Variants in ZFP3 observed in about 807,000 individuals in gnomAD.
The protein encoded by ZFP3 is ZFP3 zinc finger protein, also known as zinc finger protein 3 homolog.
Under a neutral mutation model 36.7 loss-of-function variants are expected in ZFP3, and 18 were observed. The ratio of observed to expected loss-of-function variants is 0.49; its 90% CI spans 0.34 to 0.73. The LOEUF is 0.73. Ranked by LOEUF, ZFP3 falls within the 30% of genes least tolerant of loss-of-function variation. ZFP3 has a pLI of 0.01. For missense variants in ZFP3, 495 were observed against 599.0 expected (o/e 0.83, Z 1.81); for synonymous variants, 218 against 199.0 (o/e 1.10, Z -0.81).
intron 1 of ZFP3, among the ~76,000 whole-genome samples, chr17:5,086,382 C>A (rs1311852763): frequency 6.6e-6 from 1 of 152,178 alleles, no homozygotes. Context: ...CAAATCTCCA[C>A]CTTTCCCCTT....
At chr17:5,090,371 T>C (rs2072143578) in intron 1 of ZFP3, among the ~76,000 whole-genome samples, 1 of 152,210 alleles carries the variant, frequency 6.6e-6, no homozygotes, top group Non-Finnish European at 1.5e-5. Flanking sequence ...GACTATGGCA[T>C]AGGTGGCATT....
intron 1 of ZFP3, among the ~76,000 whole-genome samples, chr17:5,084,497 G>A (rs549349221): frequency 1.4e-5 from 2 of 143,706 alleles, no homozygotes; most frequent in East Asian, 4.2e-4. Context: ...GGATGGTCTC[G>A]ATCTCCTGAC....
chr17:5,078,659 T>TAA lies in ZFP3; in HGVS notation c.-9+84_-9+85insAA, dbSNP rs2072077277. The stretch of plus-strand genomic sequence containing the variant: ...TAGAGAGCCGAGCGGAAACCCTACG[T>TAA]TTAGGCCCGTTCTGACCGGGGTTCG... On this transcript the variant is annotated intron_variant, in intron 1 of 1. Transcript: ENST00000318833. This position sits in a 1 kb window ranked among gnomAD's most constrained non-coding sequence, Gnocchi z 4.5. 1 of 152,246 alleles carries TAA rather than the reference T, an allele frequency of 6.6e-6. No individual in the cohort carries two copies. Among genetic ancestry groups the TAA allele is most frequent in the Admixed American group, 6.5e-5 (1 of 15,274 alleles). The allele number at this position is 152,246 out of a possible 1,614,324, so 9.4% of individuals were successfully genotyped here.
At chr17:5,090,697 G>T (rs1457505448) in intron 1 of ZFP3, among the ~76,000 whole-genome samples, 1 of 151,802 alleles carries the variant, frequency 6.6e-6, no homozygotes, top group African/African-American at 2.4e-5. Flanking sequence ...TTGAGACAGG[G>T]TCTGACTCTG....
intron 1 of ZFP3, among the ~76,000 whole-genome samples, chr17:5,086,724 CTTT>C (rs5819008): frequency 3.6e-5 from 4 of 110,654 alleles, no homozygotes; most frequent in African/African-American, 7.4e-5. Context: ...CATTTTCTTT[CTTT>C]TTTTTTTTTT....
intron 1 of ZFP3, among the ~76,000 whole-genome samples, chr17:5,085,765 T>G (rs1336981537): frequency 6.6e-6 from 1 of 152,198 alleles, no homozygotes; most frequent in Non-Finnish European, 1.5e-5. Context: ...AAAGTGATTT[T>G]CCATTTATCG....
At chr17:5,081,221 G>T (rs2072091704) in intron 1 of ZFP3, among the ~76,000 whole-genome samples, 1 of 151,758 alleles carries the variant, frequency 6.6e-6, no homozygotes, top group Admixed American at 6.6e-5. Context: ...AGCCTCCCGA[G>T]TAGCTGGGAC....
chr17:5,080,417 T>C (rs1178781434), intron 1 of ZFP3, among the ~76,000 whole-genome samples: 3 of 152,198 alleles, frequency 2.0e-5, no homozygotes, highest in Admixed American at 6.6e-5. Flanking sequence ...AGGTTAGATC[T>C]CTGGCAAGGA....
At chr17:5,083,545 C>CAAA (rs35689875) in intron 1 of ZFP3, among the ~76,000 whole-genome samples, 3 of 138,958 alleles carry the variant, frequency 2.2e-5, no homozygotes, top group Non-Finnish European at 1.5e-5. Context: ...AACTCTATCT[C>CAAA]AAAAAAAAAA....
rs1202924332 is a variant in ZFP3 at position 5,078,871 on chromosome 17, G to T, written c.-9+296G>T. ...CTTCTGTACCGAGGTGGGGACCCGT[G>T]GGAGCTGTGGTTTTCTCAGACATTC... On this transcript the variant is annotated intron_variant, in intron 1 of 1. Transcript: ENST00000318833. The surrounding 1 kb of genome is among the most constrained non-coding windows in gnomAD (Gnocchi z 4.5). 6.6e-6 allele frequency among the ~76,000 whole-genome samples: 1 copy of T among 152,154 alleles called. No homozygotes were observed. Among genetic ancestry groups the T allele is most frequent in the East Asian group, 1.9e-4 (1 of 5,190 alleles).
Position 5,091,490 on chromosome 17 carries a change from A to C in ZFP3, c.-8-7A>C. 1 of 1,611,162 alleles carries C rather than the reference A, an allele frequency of 6.2e-7. No homozygotes were observed. Among genetic ancestry groups the C allele is most frequent in the Non-Finnish European group, 8.5e-7 (1 of 1,178,530 alleles). On this transcript the variant is annotated splice_region_variant and splice_polypyrimidine_tract_variant and intron_variant, in intron 1 of 1. Coordinates refer to ENST00000318833, the MANE Select transcript of ZFP3 (RefSeq NM_153018.3). ...GTCCCTTCACATACTTACCTCTCTC[A>C]TTTCAGATTGTGAGATGGGGACTGA...
Position 5,093,718 on chromosome 17 carries a change from A to C in ZFP3, c.*705A>C, listed in dbSNP as rs1393470653. On this transcript the variant is annotated 3_prime_UTR_variant, in exon 2 of 2. Coordinates refer to ENST00000318833, the MANE Select transcript of ZFP3 (RefSeq NM_153018.3). ...TTAGAAGATGGCAGCATTAATGAAGAAGCAGGCTCATTTCACATCTGTCAG... is the reference window on the plus strand; with the variant it reads ...TTAGAAGATGGCAGCATTAATGAAGCAGCAGGCTCATTTCACATCTGTCAG... 3.0e-5 allele frequency: 5 copies of C among 167,116 alleles called. No individual in the cohort carries two copies. The highest frequency in any genetic ancestry group is 7.3e-5 in the Non-Finnish European group (5 of 68,132). 10.4% of individuals were successfully genotyped at this position (167,116 alleles called of 1,614,324 possible). A position where few individuals can be genotyped will look rare whatever the true frequency, so the allele number is the denominator to read the frequency against.
chr17:5,091,477 AC>A lies in ZFP3; in HGVS notation c.-8-19del, dbSNP rs1567749956. 6.2e-6 allele frequency: 10 copies of A among 1,606,932 alleles called. No homozygotes were observed. The South Asian group carries it at 1.0e-4, about 16-fold the overall frequency. On this transcript the variant is annotated intron_variant, in intron 1 of 1. Coordinates refer to ENST00000318833, the MANE Select transcript of ZFP3 (RefSeq NM_153018.3). ...TAAATATGATACGGTCCCTTCACAT[AC>A]TTACCTCTCTCATTTCAGATTGTGA...
intron 1 of ZFP3, among the ~76,000 whole-genome samples, chr17:5,082,945 A>C (rs1288614939): frequency 6.6e-6 from 1 of 152,228 alleles, no homozygotes; most frequent in African/African-American, 2.4e-5. Flanking sequence ...ATATTGCTAC[A>C]AGAGATTGCT....
chr17:5,085,255 A>G (rs1466815848), intron 1 of ZFP3, among the ~76,000 whole-genome samples: 1 of 152,032 alleles, frequency 6.6e-6, no homozygotes, highest in Non-Finnish European at 1.5e-5. Context: ...CATGTTGTCC[A>G]GGCTGGTCTC....
intron 1 of ZFP3, among the ~76,000 whole-genome samples, chr17:5,082,488 C>T (rs8066500): frequency 0.41 from 61,862 of 151,952 alleles, 13,360 homozygotes; most frequent in Non-Finnish European, 0.49. Flanking sequence ...GTTTTTTGGA[C>T]GTTTTGTAAT....
chr17:5,086,547 CTCTA>C (rs1296395319), intron 1 of ZFP3, among the ~76,000 whole-genome samples: 5 of 151,426 alleles, frequency 3.3e-5, no homozygotes, highest in African/African-American at 1.2e-4. Context: ...GAAAGCCTTG[CTCTA>C]TAGCACTGTC....
Position 5,084,267 on chromosome 17 carries a change from CTTTTTTTTTTTTTTT to C in ZFP3, c.-9+5704_-9+5718del, listed in dbSNP as rs59148082. On this transcript the variant is annotated intron_variant, in intron 1 of 1. Transcript: ENST00000318833. ...ATACATCAGTACGTTGTGAATGAGG[CTTTTTTTTTTTTTTT>C]TTTTTTTTTTTGAGACGGAGTCTCG... Among the ~76,000 whole-genome samples, 11 of 60,092 alleles carry C rather than the reference CTTTTTTTTTTTTTTT, an allele frequency of 1.8e-4. 1 individual carries two copies. Among genetic ancestry groups the C allele is most frequent in the African/African-American group, 8.2e-4 (11 of 13,438 alleles). The allele number at this position is 60,092 out of a possible 152,430, so 39.4% of individuals were successfully genotyped here.
intron 1 of ZFP3, among the ~76,000 whole-genome samples, chr17:5,085,710 G>GA (rs1438457476): frequency 6.6e-6 from 1 of 152,168 alleles, no homozygotes; most frequent in Non-Finnish European, 1.5e-5. Flanking sequence ...CTTGACTGGG[G>GA]ATAAATACAT....
Sources: gnomAD v4.1 joint callset for allele counts (sites outside exome capture counted in the v4.1 genomes callset) on GRCh38, gnomAD v4.1.1 for gene constraint, Gnocchi (gnomAD v3.1) non-coding constraint, MANE v1.5 for transcripts, NCBI Gene and HGNC (gene_info 2026-07-23, HGNC 2026-07-21) for gene names.